The following SHBG variants were observed in gnomAD, a reference collection of about 807,000 sequenced individuals.
The protein encoded by SHBG is sex hormone-binding globulin.
A neutral mutation model predicts 41.9 loss-of-function variants in SHBG; 37 were observed. That is an observed-to-expected ratio of 0.88 (90% CI 0.68 to 1.16). SHBG has a LOEUF of 1.16. Ranked by LOEUF, SHBG falls within the 50% of genes most tolerant of loss-of-function variation. The probability of loss-of-function intolerance (pLI) is 0.00; values close to 1 mark genes in which losing one functional copy is unlikely to be tolerated. For missense variants in SHBG, 466 were observed against 499.9 expected, an observed-to-expected ratio of 0.93 and a Z score of 0.65; for synonymous variants, 217 against 205.8, an observed-to-expected ratio of 1.05 and a Z score of -0.47.
chr17:7,615,373 GA>G lies in SHBG; in HGVS notation c.-62+1267del, dbSNP rs746010914. ...AAAAAAGAAGAGGAGTCGCCGCAAG[GA>G]AAAAGGTGCTTGGTGCGCACGCGCT... On this transcript the variant is annotated intron_variant, in intron 1 of 5. Transcript: ENST00000570547. Among the ~76,000 whole-genome samples the G allele has an allele frequency of 3.4e-4, 52 of 152,182 alleles. 1 individual carries two copies. Among genetic ancestry groups the G allele is most frequent in the East Asian group, 2.9e-3 (15 of 5,194 alleles).
chr17:7,618,832 A>G (rs1259615323), intron 1 of SHBG, among the ~76,000 whole-genome samples: 1 of 152,184 alleles, frequency 6.6e-6, no homozygotes, highest in African/African-American at 2.4e-5. Context: ...CAGCCTCAAG[A>G]TCGCCTCTCT....
At chr17:7,617,519 C>T (rs2072015421) in intron 1 of SHBG, among the ~76,000 whole-genome samples, 1 of 152,102 alleles carries the variant, frequency 6.6e-6, no homozygotes, top group African/African-American at 2.4e-5. Flanking sequence ...AGGAGAATCG[C>T]TTGCACCCAG....
chr17:7,614,274 T>TA (rs939542858), intron 1 of SHBG, among the ~76,000 whole-genome samples: 5 of 151,896 alleles, frequency 3.3e-5, no homozygotes, highest in African/African-American at 1.2e-4. Flanking sequence ...GGGTCAAAAA[T>TA]AAGAGGAACA....
At chr17:7,614,319 C>T in intron 1 of SHBG, 1 of 711,566 alleles carries the variant, frequency 1.4e-6, no homozygotes, top group Non-Finnish European at 2.4e-6. Context: ...GGGAAGGCTG[C>T]GGGTTGGAGC....
At chr17:7,615,381 T>G (rs1329237843) in intron 1 of SHBG, among the ~76,000 whole-genome samples, 1 of 151,954 alleles carries the variant, frequency 6.6e-6, no homozygotes, top group African/African-American at 2.4e-5. Flanking sequence ...AGGAAAAAGG[T>G]GCTTGGTGCG....
intron 1 of SHBG, among the ~76,000 whole-genome samples, chr17:7,616,720 A>G (rs1597891892): frequency 1.3e-5 from 2 of 151,630 alleles, no homozygotes; most frequent in East Asian, 3.9e-4. Context: ...GGTGGATCAC[A>G]AGGTCAGGAG....
rs538431556 is a variant in SHBG, at chr17:7,615,647, A to ACCC, written c.-62+1545_-62+1547dup. Reference sequence around the variant, plus strand: ...CAGCGTGGCCAAAATGGTGAAACCCACCCCCCCCCCCACCCCGCATCTAAT... The same window carrying ACCC: ...CAGCGTGGCCAAAATGGTGAAACCCACCCCCCCCCCCCCCACCCCGCATCTAAT... On this transcript the variant is annotated intron_variant, in intron 1 of 5. Coordinates refer to the SHBG transcript ENST00000570547. Among the ~76,000 whole-genome samples, 10 of 99,094 alleles carry ACCC rather than the reference A, an allele frequency of 1.0e-4. 1 individual carries two copies. The highest frequency in any genetic ancestry group is 2.1e-4 in the African/African-American group (5 of 23,724). The allele number at this position is 99,094 out of a possible 152,430, so 65.0% of individuals were successfully genotyped here.
chr17:7,617,629 A>G (rs2072017469), intron 1 of SHBG, among the ~76,000 whole-genome samples: 1 of 152,132 alleles, frequency 6.6e-6, no homozygotes, highest in South Asian at 2.1e-4. Flanking sequence ...AAACAAAAAT[A>G]AATAAAGGCG....
At chr17:7,617,489 G>A (rs1407733422) in intron 1 of SHBG, among the ~76,000 whole-genome samples, 1 of 151,978 alleles carries the variant, frequency 6.6e-6, no homozygotes, top group Admixed American at 6.6e-5. Flanking sequence ...TGTAGTCCCA[G>A]CTACTCGGGA....
rs1010429158 is a variant in SHBG, at chr17:7,621,302, T to C, written c.-62+7191T>C. On this transcript the variant is annotated intron_variant, in intron 1 of 5. Coordinates refer to the SHBG transcript ENST00000570547. ...GGAGAAACCCCATGTCTACTAAAAATACAAAAATTATGGGCTTGACACAGT... is the reference window on the plus strand; with the variant it reads ...GGAGAAACCCCATGTCTACTAAAAACACAAAAATTATGGGCTTGACACAGT... Among the ~76,000 whole-genome samples the C allele has an allele frequency of 2.1e-5, 3 of 139,792 alleles. 1 individual carries two copies. The highest frequency in any genetic ancestry group is 4.7e-5 in the Non-Finnish European group (3 of 63,560). The allele number at this position is 139,792 out of a possible 152,430, so 91.7% of individuals were successfully genotyped here.
At position 7,631,977 on chromosome 17, in the gene SHBG, G is replaced by A. The variant is rs183272852; in HGVS notation, c.814G>A (p.Glu272Lys). The A allele has an allele frequency of 1.2e-6, 2 of 1,614,032 alleles. No homozygotes were observed. The highest frequency in any genetic ancestry group is 2.2e-5 in the East Asian group (1 of 44,890). ...SGHLLALGTPENPSWLSLHLQ... is the reference protein window; with the variant it reads ...SGHLLALGTPKNPSWLSLHLQ... ...CCACCTCCTTGCTCTTGGGACACCA[G>A]AGAACCCATCTTGGCTCAGTCTCCA... is the stretch of plus-strand genomic sequence containing the variant. Residue 272 changes from glutamate (E) to lysine (K), a missense_variant, in exon 6 of 8, where the codon GAG becomes AAG. Coordinates refer to ENST00000380450, the MANE Select transcript of SHBG (RefSeq NM_001040.5).
chr17:7,617,837 A>T (rs756960342), intron 1 of SHBG, among the ~76,000 whole-genome samples: 34 of 152,186 alleles, frequency 2.2e-4, no homozygotes, highest in Admixed American at 5.2e-4. Flanking sequence ...TAATCCTGGC[A>T]CTTTGCGAGG....
upstream of SHBG, chr17:7,628,053 A>G (rs1435008502): frequency 4.3e-6 from 2 of 467,208 alleles, no homozygotes; most frequent in Non-Finnish European, 8.5e-6. Context: ...GGGTCGAGAT[A>G]CCCCGCGGTT....
upstream of SHBG, chr17:7,626,282 G>T: frequency 1.4e-6 from 1 of 689,858 alleles, no homozygotes; most frequent in East Asian, 2.6e-5. Context: ...AAGGAAGAAA[G>T]GTCTCTCCCT....
In SHBG at chr17:7,621,474, G is replaced by A. The variant is rs551873753; in HGVS notation, c.-62+7363G>A. On this transcript the variant is annotated intron_variant, in intron 1 of 5. Coordinates refer to the SHBG transcript ENST00000570547. The stretch of plus-strand genomic sequence containing the variant: ...AAATTAGCTGGGCGTGGTGGTGCAC[G>A]CCTGTAATCCCAGCTACTCAAGAGG... 2.8e-4 allele frequency among the ~76,000 whole-genome samples: 39 copies of A among 139,114 alleles called. 5 individuals are homozygous for A. The East Asian group carries it at 7.8e-3, about 28-fold the overall frequency. The allele number at this position is 139,114 out of a possible 152,430, so 91.3% of individuals were successfully genotyped here. A position where few individuals can be genotyped will look rare whatever the true frequency, so the allele number is the denominator to read the frequency against.
At chr17:7,619,081 C>T (rs893822685) in intron 1 of SHBG, among the ~76,000 whole-genome samples, 3 of 152,014 alleles carry the variant, frequency 2.0e-5, no homozygotes, top group Admixed American at 1.3e-4. Context: ...TACGTGTATT[C>T]GTATAATCAT....
chr17:7,632,903 C>G lies in SHBG; in HGVS notation c.1004C>G (p.Pro335Arg). Residue 335 changes from proline (P) to arginine (R), a missense_variant, in exon 7 of 8, where the codon CCC (proline) becomes CGC (arginine). By Grantham distance (103) the Pro-to-Arg change is moderately radical. Coordinates refer to ENST00000380450, the MANE Select transcript of SHBG (RefSeq NM_001040.5). ...ALALPPLGLA[P>R]LLNLWAKPQG... ...GCCCTGCCTCCCTTAGGCCTGGCTC[C>G]CCTCCTTAACCTCTGGGCCAAGCCT... 6.2e-7 allele frequency: 1 copy of G among 1,614,146 alleles called. No individual in the cohort carries two copies. The highest frequency in any genetic ancestry group is 8.5e-7 in the Non-Finnish European group (1 of 1,180,032).
At chr17:7,628,915 G>T (rs545173966), upstream of SHBG, among the ~76,000 whole-genome samples, 5 of 152,202 alleles carry the variant, frequency 3.3e-5, no homozygotes, top group South Asian at 1.0e-3. Flanking sequence ...AATTAGACAG[G>T]TGTGGTGGCG....
At chr17:7,626,325 A>G (rs2072204365), upstream of SHBG, 2 of 1,062,542 alleles carry the variant, frequency 1.9e-6, no homozygotes, top group Admixed American at 4.6e-5. Flanking sequence ...GAGGATAGGC[A>G]CCCCTAACCC....
Sources: gnomAD v4.1 joint callset for allele counts (sites outside exome capture counted in the v4.1 genomes callset) on GRCh38, gnomAD v4.1.1 for gene constraint, MANE v1.5 for transcripts, NCBI Gene and HGNC (gene_info 2026-07-23, HGNC 2026-07-21) for gene names.